The following CLEC16A variants were observed in gnomAD, a reference collection of about 807,000 sequenced individuals.
CLEC16A encodes C-type lectin domain containing 16A.
In CLEC16A, 51 loss-of-function variants were observed where a neutral mutation model predicts 109.5. That is an observed-to-expected ratio of 0.47 (90% CI 0.37 to 0.59). The LOEUF (loss-of-function observed/expected upper bound fraction) is 0.59, where lower values mean the gene tolerates loss of function less well. CLEC16A is among the 20% of genes least tolerant of loss of function. CLEC16A has a pLI of 0.00. For missense variants in CLEC16A, 1,339 were observed against 1,394.0 expected (o/e 0.96, Z 0.63); for synonymous variants, 673 against 564.2 (o/e 1.19, Z -2.73).
intron 16 of CLEC16A, among the ~76,000 whole-genome samples, chr16:11,045,152 T>C (rs1297927036): frequency 6.6e-6 from 1 of 151,838 alleles, no homozygotes; most frequent in African/African-American, 2.4e-5. Context: ...AAGACCATTC[T>C]GGCTAACATG....
chr16:11,044,255 G>A (rs1183844786), intron 16 of CLEC16A, 183 bp downstream of exon 16: 4 of 445,198 alleles, frequency 9.0e-6, no homozygotes, highest in Non-Finnish European at 1.5e-5. Flanking sequence ...TTCTGTCCAA[G>A]CTGTCTTATC....
chr16:11,054,948 T>TTA, intron 18 of CLEC16A, among the ~76,000 whole-genome samples: 1 of 150,544 alleles, frequency 6.6e-6, no homozygotes, highest in African/African-American at 2.4e-5. Flanking sequence ...TTTTTTTTTT[T>TTA]TCCACCAAGT....
chr16:11,176,385 G>A (rs2068746417), intron 23 of CLEC16A, among the ~76,000 whole-genome samples: 1 of 152,204 alleles, frequency 6.6e-6, no homozygotes, highest in African/African-American at 2.4e-5. Flanking sequence ...GCCTCATGCA[G>A]TGGTTTCCTC....
At chr16:11,096,487 A>G (rs1229936265) in intron 19 of CLEC16A, among the ~76,000 whole-genome samples, 2 of 152,226 alleles carry the variant, frequency 1.3e-5, no homozygotes, top group South Asian at 2.1e-4. Flanking sequence ...AATACAGACC[A>G]TTGAAAGTTT....
At chr16:11,172,701 C>A (rs1355571655) in intron 23 of CLEC16A, among the ~76,000 whole-genome samples, 1 of 152,080 alleles carries the variant, frequency 6.6e-6, no homozygotes, top group African/African-American at 2.4e-5. Context: ...CCAGCCTGGC[C>A]AACATGGTGA....
At chr16:11,156,396 A>G (rs1009148510) in intron 22 of CLEC16A, among the ~76,000 whole-genome samples, 4 of 151,144 alleles carry the variant, frequency 2.6e-5, no homozygotes, top group Non-Finnish European at 5.9e-5. Context: ...AACACAACTA[A>G]TCTGCCACTC....
At chr16:10,944,953 G>C (rs1567479625) in intron 1 of CLEC16A, among the ~76,000 whole-genome samples, 156 bp downstream of exon 1, 1 of 152,216 alleles carries the variant, frequency 6.6e-6, no homozygotes, top group Non-Finnish European at 1.5e-5. Flanking sequence ...GAGTCAGGGC[G>C]CCTGGGTTCG....
intron 19 of CLEC16A, among the ~76,000 whole-genome samples, chr16:11,096,038 G>A (rs1305402025): frequency 6.6e-6 from 1 of 151,942 alleles, no homozygotes; most frequent in East Asian, 1.9e-4. Context: ...GTCTTTGTAA[G>A]AAAACAAAAC....
intron 19 of CLEC16A, among the ~76,000 whole-genome samples, chr16:11,069,440 C>T (rs1340730245): frequency 1.3e-5 from 2 of 151,530 alleles, no homozygotes; most frequent in Admixed American, 6.6e-5. Flanking sequence ...ATTATTATTA[C>T]TATTTTTTTT....
chr16:11,005,465 C>A (rs1175377264), intron 11 of CLEC16A, among the ~76,000 whole-genome samples: 3 of 152,212 alleles, frequency 2.0e-5, no homozygotes, highest in Non-Finnish European at 2.9e-5. Flanking sequence ...GGCTCAGTCA[C>A]ACATGGCTCT....
At chr16:11,061,731 C>T (rs1047886648) in intron 19 of CLEC16A, among the ~76,000 whole-genome samples, 1 of 152,188 alleles carries the variant, frequency 6.6e-6, no homozygotes, top group African/African-American at 2.4e-5. Flanking sequence ...TTATAAGAGA[C>T]AGAAAACTCA....
intron 19 of CLEC16A, among the ~76,000 whole-genome samples, chr16:11,068,189 C>T (rs965119202): frequency 1.3e-5 from 2 of 152,126 alleles, no homozygotes; most frequent in African/African-American, 4.8e-5. Context: ...CCTCATTGAT[C>T]AAATGAGAAC....
intron 22 of CLEC16A, among the ~76,000 whole-genome samples, chr16:11,155,814 G>A (rs113108122): frequency 1.3e-5 from 2 of 152,276 alleles, no homozygotes; most frequent in African/African-American, 2.4e-5. Context: ...GAGTCCTGGC[G>A]AACACAAGCA....
chr16:11,051,234 G>A (rs143647923), intron 17 of CLEC16A, among the ~76,000 whole-genome samples: 2 of 152,210 alleles, frequency 1.3e-5, no homozygotes, highest in South Asian at 2.1e-4. Context: ...GAGAGAATGC[G>A]AAGAGGAGCA....
chr16:11,062,525 G>A (rs543041918), intron 19 of CLEC16A, among the ~76,000 whole-genome samples: 4 of 152,222 alleles, frequency 2.6e-5, no homozygotes, highest in African/African-American at 7.2e-5. Context: ...GAAATATCAC[G>A]TGACCAAGCA....
chr16:11,130,017 C>T (rs1040379514), intron 22 of CLEC16A, among the ~76,000 whole-genome samples: 1 of 152,148 alleles, frequency 6.6e-6, no homozygotes, highest in Non-Finnish European at 1.5e-5. Context: ...CTGTCTCGGC[C>T]TCCCAAAGTG....
At chr16:11,085,919 G>T (rs776688798) in intron 19 of CLEC16A, among the ~76,000 whole-genome samples, 1 of 152,174 alleles carries the variant, frequency 6.6e-6, no homozygotes, top group Non-Finnish European at 1.5e-5. Context: ...CTGAGATTGG[G>T]CGGGGACAAA....
rs535899375 is a variant in CLEC16A, at chr16:11,073,220, C to G, written c.2116+12198C>G. Among the ~76,000 whole-genome samples, 4 of 152,228 alleles carry G rather than the reference C, an allele frequency of 2.6e-5. No individual in the cohort carries two copies. The East Asian group carries it at 5.8e-4, about 22-fold the overall frequency. ...TGTTCTCTGCCCCCACCCCCGGGGTCCCGTGTTTTTGTCTTTAAAGGAAGC... is the reference window on the plus strand; with the variant it reads ...TGTTCTCTGCCCCCACCCCCGGGGTGCCGTGTTTTTGTCTTTAAAGGAAGC... On this transcript the variant is annotated intron_variant, in intron 19 of 23. Coordinates refer to ENST00000409790, the MANE Select transcript of CLEC16A (RefSeq NM_015226.3).
At chr16:10,948,055 A>C in intron 1 of CLEC16A, among the ~76,000 whole-genome samples, 1 of 152,014 alleles carries the variant, frequency 6.6e-6, no homozygotes, top group Admixed American at 6.5e-5. Context: ...CACCACGCCC[A>C]GCTAATTTTT....
Sources: allele counts gnomAD v4.1 joint callset (sites outside exome capture counted in the v4.1 genomes callset), GRCh38; gene constraint gnomAD v4.1.1; transcripts MANE v1.5; gene names NCBI Gene and HGNC (gene_info 2026-07-23, HGNC 2026-07-21).